The following ALCAM variants were observed in gnomAD, a reference collection of about 807,000 sequenced individuals.
ALCAM encodes the protein activated leukocyte cell adhesion molecule, also known as CD166 antigen.
A neutral mutation model predicts 70.9 loss-of-function variants in ALCAM; 30 were observed. The ratio of observed to expected loss-of-function variants is 0.42; its 90% CI spans 0.32 to 0.57. The LOEUF (loss-of-function observed/expected upper bound fraction) is 0.57, where lower values mean the gene tolerates loss of function less well. Ranked by LOEUF, ALCAM falls within the 20% of genes least tolerant of loss-of-function variation. The probability of loss-of-function intolerance (pLI) is 0.11; values close to 1 mark genes in which losing one functional copy is unlikely to be tolerated. For missense variants in ALCAM, 591 were observed against 695.1 expected (o/e 0.85, Z 1.68); for synonymous variants, 249 against 242.5 (o/e 1.03, Z -0.25).
chr3:105,526,067 A>T (rs1167892790), intron 3 of ALCAM, among the ~76,000 whole-genome samples: 1 of 152,154 alleles, frequency 6.6e-6, no homozygotes, highest in African/African-American at 2.4e-5. Flanking sequence ...TGATAGTTAT[A>T]ATGTCATAAT....
intron 1 of ALCAM, among the ~76,000 whole-genome samples, chr3:105,410,571 G>A (rs905654734): frequency 1.3e-5 from 2 of 151,988 alleles, no homozygotes; most frequent in African/African-American, 4.8e-5. Context: ...TATCTCCGGG[G>A]ATATAGGCTT....
chr3:105,367,695 G>T (rs1219611274), intron 1 of ALCAM, among the ~76,000 whole-genome samples: 1 of 152,196 alleles, frequency 6.6e-6, no homozygotes, highest in Non-Finnish European at 1.5e-5. Flanking sequence ...ATCAAGCTGG[G>T]GAAACTGGGT....
chr3:105,444,063 A>G (rs1436399463), intron 1 of ALCAM, among the ~76,000 whole-genome samples: 3 of 152,334 alleles, frequency 2.0e-5, no homozygotes, highest in Admixed American at 2.0e-4. Context: ...AATGCATGGT[A>G]TGTCCATCAT....
chr3:105,550,888 T>A (rs372367129), intron 12 of ALCAM, among the ~76,000 whole-genome samples: 2 of 151,778 alleles, frequency 1.3e-5, no homozygotes, highest in African/African-American at 4.8e-5. Flanking sequence ...AATACATACA[T>A]ACCAACAACA....
At chr3:105,540,456 C>T (rs76083733) in intron 7 of ALCAM, among the ~76,000 whole-genome samples, 2,342 of 152,144 alleles carry the variant, frequency 0.015, 56 homozygotes, top group African/African-American at 0.054. Context: ...AATCTGCCCA[C>T]AACATTGCCC....
intron 1 of ALCAM, among the ~76,000 whole-genome samples, chr3:105,433,520 G>C (rs892201494): frequency 2.6e-5 from 4 of 152,140 alleles, no homozygotes; most frequent in African/African-American, 9.6e-5. Flanking sequence ...CTGAACACTG[G>C]ATTATAGACA....
At chr3:105,384,006 C>T (rs1365297830) in intron 1 of ALCAM, among the ~76,000 whole-genome samples, 9 of 151,482 alleles carry the variant, frequency 5.9e-5, no homozygotes, top group Non-Finnish European at 4.4e-5. Context: ...GTCACGCAGG[C>T]AGTATTTAAC....
chr3:105,494,094 G>A (rs554888567), intron 1 of ALCAM, among the ~76,000 whole-genome samples: 40 of 152,108 alleles, frequency 2.6e-4, no homozygotes, highest in Admixed American at 1.4e-3. Flanking sequence ...TTCCTCTACC[G>A]TAGAATGAAA....
Position 105,540,003 on chromosome 3 carries a change from G to A in ALCAM, c.759G>A (p.Val253=), listed in dbSNP as rs776110226. The A allele has an allele frequency of 6.2e-7, 1 of 1,612,428 alleles. No homozygotes were observed. The highest frequency in any genetic ancestry group is 1.7e-5 in the Admixed American group (1 of 59,896). The stretch of plus-strand genomic sequence containing the variant: ...CTACAGAGCAGGTGACAATACAAGT[G>A]CTGCCACCAAAAAATGCCATCAAAG... The part of the protein sequence containing the change: ...YYPTEQVTIQ[V]LPPKNAIKEG... The change falls in exon 7 of 16, where the codon GTG becomes GTA. Residue 253 remains valine, a synonymous_variant. Transcript: ENST00000306107.
intron 1 of ALCAM, among the ~76,000 whole-genome samples, chr3:105,512,269 C>T (rs1387385014): frequency 1.3e-5 from 2 of 151,942 alleles, no homozygotes; most frequent in South Asian, 2.1e-4. Flanking sequence ...TTTCTGAAGA[C>T]AGACTTCATT....
chr3:105,399,840 C>T (rs1936045063), intron 1 of ALCAM, among the ~76,000 whole-genome samples: 1 of 152,146 alleles, frequency 6.6e-6, no homozygotes, highest in Admixed American at 6.6e-5. Flanking sequence ...TCAGCAGTCA[C>T]CATTGGCCTT....
rs186853986 is a variant in ALCAM, at chr3:105,461,022, G to A, written c.74-59045G>A. ...GGTGTGTGTGTGTGTGTGTATGTGT[G>A]TCTGCATGTGTGTGGTGTGCGTTGG... On this transcript the variant is annotated intron_variant, in intron 1 of 15. Transcript: ENST00000306107. Among the ~76,000 whole-genome samples the A allele has an allele frequency of 6.1e-3, 928 of 151,592 alleles. 12 individuals are homozygous for A. The highest frequency in any genetic ancestry group is 0.021 in the African/African-American group (854 of 41,442).
intron 1 of ALCAM, among the ~76,000 whole-genome samples, chr3:105,519,492 T>C (rs1379719095): frequency 1.2e-4 from 19 of 152,068 alleles, no homozygotes; most frequent in Admixed American, 7.2e-4. Flanking sequence ...ATTAAATTAG[T>C]ATTTTAATTT....
chr3:105,438,117 T>C (rs1055125416), intron 1 of ALCAM, among the ~76,000 whole-genome samples: 1 of 152,114 alleles, frequency 6.6e-6, no homozygotes, highest in Non-Finnish European at 1.5e-5. Flanking sequence ...AAAAAGAATG[T>C]GATCTTCCTT....
At chr3:105,377,317 T>G (rs1384300673) in intron 1 of ALCAM, among the ~76,000 whole-genome samples, 1 of 152,144 alleles carries the variant, frequency 6.6e-6, no homozygotes, top group African/African-American at 2.4e-5. Context: ...ATCATGTTAT[T>G]GTCCATATAA....
intron 1 of ALCAM, among the ~76,000 whole-genome samples, chr3:105,437,406 T>C (rs1330994238): frequency 1.3e-5 from 2 of 152,192 alleles, no homozygotes; most frequent in African/African-American, 4.8e-5. Context: ...TTATAAGCCT[T>C]TCCCAATTTC....
chr3:105,419,454 T>C (rs894800959), intron 1 of ALCAM, among the ~76,000 whole-genome samples: 2 of 151,408 alleles, frequency 1.3e-5, no homozygotes, highest in African/African-American at 4.8e-5. Flanking sequence ...AATGGGAAAA[T>C]GAGGAAGTAC....
intron 14 of ALCAM, among the ~76,000 whole-genome samples, chr3:105,568,831 G>T (rs1292462051): frequency 2.0e-5 from 3 of 151,698 alleles, no homozygotes; most frequent in Non-Finnish European, 4.4e-5. Flanking sequence ...ACTTTTCTGA[G>T]GGTTTATAAT....
Position 105,367,427 on chromosome 3 carries a change from A to G in ALCAM, c.19A>G (p.Ser7Gly), listed in dbSNP as rs1048187128. The change falls in exon 1 of 16, where the codon AGT (serine) becomes GGT (glycine). Residue 7 changes from serine (S) to glycine (G), a missense_variant. Coordinates refer to ENST00000306107, the MANE Select transcript of ALCAM (RefSeq NM_001627.4). MESKGA[S>G]SCRLLFCLLI... Reference sequence around the variant, plus strand: ...GAGGAATATGGAATCCAAGGGGGCCAGTTCCTGCCGTCTGCTCTTCTGCCT... The same window carrying G: ...GAGGAATATGGAATCCAAGGGGGCCGGTTCCTGCCGTCTGCTCTTCTGCCT... The G allele has an allele frequency of 6.2e-7, 1 of 1,613,954 alleles. No individual in the cohort carries two copies. The highest frequency in any genetic ancestry group is 2.2e-5 in the East Asian group (1 of 44,846).
Sources: allele counts gnomAD v4.1 joint callset (sites outside exome capture counted in the v4.1 genomes callset), GRCh38; gene constraint gnomAD v4.1.1; transcripts MANE v1.5; gene names NCBI Gene and HGNC (gene_info 2026-07-23, HGNC 2026-07-21).